PDE4B: variants seen among roughly 807,000 people sequenced by gnomAD.
PDE4B encodes phosphodiesterase 4B, also known as 3',5'-cyclic-AMP phosphodiesterase 4B.
PDE4B carries 20 observed loss-of-function variants against 82.2 expected under a neutral mutation model. The observed-to-expected ratio is 0.24, with a 90% CI of 0.17 to 0.35. The LOEUF is 0.35. Among genes scored for constraint, PDE4B ranks in the 10% least tolerant of loss-of-function variants. PDE4B has a pLI of 1.00. For synonymous variants in PDE4B, 320 were observed against 318.9 expected (o/e 1.00, Z -0.04); for missense variants, 655 against 907.2 (o/e 0.72, Z 3.57).
chr1:66,243,389 G>T (rs1160473223), intron 3 of PDE4B, among the ~76,000 whole-genome samples: 1 of 152,190 alleles, frequency 6.6e-6, no homozygotes, highest in Non-Finnish European at 1.5e-5. Flanking sequence ...CCAGGTGCCT[G>T]GGATACAAGA....
chr1:65,860,298 T>C (rs1015191107), intron 1 of PDE4B, among the ~76,000 whole-genome samples: 5 of 152,184 alleles, frequency 3.3e-5, no homozygotes, highest in African/African-American at 1.2e-4. Flanking sequence ...ACATGCAGTG[T>C]TTAGTTTTCT....
chr1:66,100,939 G>A (rs1380748238), intron 3 of PDE4B, among the ~76,000 whole-genome samples: 5 of 152,028 alleles, frequency 3.3e-5, no homozygotes, highest in South Asian at 4.2e-4. Flanking sequence ...CCATTAACTC[G>A]TCATTTACAT....
intron 3 of PDE4B, among the ~76,000 whole-genome samples, chr1:66,159,416 T>C (rs1007720679): frequency 6.6e-6 from 1 of 151,790 alleles, no homozygotes; most frequent in Non-Finnish European, 1.5e-5. Flanking sequence ...TTTTTTTTTT[T>C]TTTGTATTTT....
chr1:65,931,959 T>C (rs1409842139), intron 3 of PDE4B, among the ~76,000 whole-genome samples: 2 of 152,222 alleles, frequency 1.3e-5, no homozygotes, highest in Non-Finnish European at 2.9e-5. Context: ...AAGTTTGCAC[T>C]GACAGTTACC....
intron 1 of PDE4B, among the ~76,000 whole-genome samples, chr1:65,892,384 C>A (rs1646861143): frequency 6.6e-6 from 1 of 151,960 alleles, no homozygotes; most frequent in South Asian, 2.1e-4. Flanking sequence ...AATTGAGTGA[C>A]CTTGTTTAAA....
intron 1 of PDE4B, among the ~76,000 whole-genome samples, chr1:65,892,928 A>G (rs2100391923): frequency 6.6e-6 from 1 of 152,266 alleles, no homozygotes; most frequent in African/African-American, 2.4e-5. Flanking sequence ...AAATTTTCAT[A>G]AATTAAAAAA....
intron 3 of PDE4B, among the ~76,000 whole-genome samples, chr1:65,950,493 A>T (rs553583934): frequency 6.6e-6 from 1 of 152,116 alleles, no homozygotes; most frequent in East Asian, 1.9e-4. Flanking sequence ...CTTATTGGGG[A>T]TGTGCTCAAT....
At chr1:65,972,773 A>T (rs1240194848) in intron 3 of PDE4B, among the ~76,000 whole-genome samples, 1 of 152,142 alleles carries the variant, frequency 6.6e-6, no homozygotes, top group South Asian at 2.1e-4. Context: ...ATTTAGATGC[A>T]GTTCCACTGT....
At chr1:65,936,315 A>G (rs963818464) in intron 3 of PDE4B, among the ~76,000 whole-genome samples, 5 of 152,170 alleles carry the variant, frequency 3.3e-5, no homozygotes, top group African/African-American at 1.2e-4. Flanking sequence ...TAAAATAATG[A>G]TAAAAAGTCA....
In PDE4B at chr1:66,319,156, C is replaced by T. The variant is rs637428; in HGVS notation, c.635-13352C>T. On this transcript the variant is annotated intron_variant, in intron 7 of 16. Transcript: ENST00000341517. ...ATCCAAGGTCGTGTGTGATCTGAGA[C>T]ATCACTCAGGATAGCATCAGGCAGA... Among the ~76,000 whole-genome samples, 1,392 of 152,298 alleles carry T rather than the reference C, an allele frequency of 9.1e-3. 18 individuals are homozygous for T. Among genetic ancestry groups the T allele is most frequent in the African/African-American group, 0.032 (1,345 of 41,560 alleles).
intron 3 of PDE4B, among the ~76,000 whole-genome samples, chr1:66,235,812 T>C (rs1652364898): frequency 6.6e-6 from 1 of 152,208 alleles, no homozygotes; most frequent in Admixed American, 6.5e-5. Flanking sequence ...AGAGTTTAAC[T>C]GAGCAAAGGA....
intron 3 of PDE4B, among the ~76,000 whole-genome samples, chr1:65,928,947 C>CCAA (rs1647672530): frequency 6.6e-6 from 1 of 152,184 alleles, no homozygotes; most frequent in African/African-American, 2.4e-5. Flanking sequence ...TCGGCCTGAT[C>CCAA]CAACTCTGTA....
At chr1:66,064,014 T>C (rs963531690) in intron 3 of PDE4B, among the ~76,000 whole-genome samples, 3 of 152,070 alleles carry the variant, frequency 2.0e-5, no homozygotes, top group Middle Eastern at 3.4e-3. Context: ...AATGAGTCAG[T>C]GAGTTACCCA....
chr1:66,195,785 A>C (rs545257594), intron 3 of PDE4B, among the ~76,000 whole-genome samples: 1 of 152,320 alleles, frequency 6.6e-6, no homozygotes, highest in South Asian at 2.1e-4. Flanking sequence ...TGGCTGGCTG[A>C]TATGATTTAC....
chr1:66,095,521 A>C (rs1645098287), intron 3 of PDE4B, among the ~76,000 whole-genome samples: 1 of 151,974 alleles, frequency 6.6e-6, no homozygotes, highest in Non-Finnish European at 1.5e-5. Context: ...GAACTAAAAA[A>C]GTACTAAGTA....
At chr1:66,097,624 C>T (rs546104580) in intron 3 of PDE4B, among the ~76,000 whole-genome samples, 6 of 151,960 alleles carry the variant, frequency 3.9e-5, no homozygotes, top group Admixed American at 6.6e-5. Flanking sequence ...TTCCAGTTGG[C>T]TCTTGGTTAT....
chr1:66,217,741 C>T (rs1421376915), intron 3 of PDE4B, among the ~76,000 whole-genome samples: 4 of 152,022 alleles, frequency 2.6e-5, no homozygotes. Context: ...TTCTGTTGCG[C>T]AATTATTATT....
chr1:65,905,899 C>T (rs1436527558), intron 1 of PDE4B, among the ~76,000 whole-genome samples: 1 of 152,042 alleles, frequency 6.6e-6, no homozygotes. Flanking sequence ...ATTTTAAGGC[C>T]AAGGACTATG....
At chr1:66,254,694 G>A (rs1386170839) in intron 4 of PDE4B, among the ~76,000 whole-genome samples, 1 of 152,122 alleles carries the variant, frequency 6.6e-6, no homozygotes, top group African/African-American at 2.4e-5. Context: ...TCTACTCACG[G>A]CTTCACTGTT....
Sources: allele counts gnomAD v4.1 joint callset (sites outside exome capture counted in the v4.1 genomes callset), GRCh38; gene constraint gnomAD v4.1.1; transcripts MANE v1.5; gene names NCBI Gene and HGNC (gene_info 2026-07-23, HGNC 2026-07-21).